Variants in LRP6 observed in about 807,000 individuals in gnomAD.
LRP6 encodes low-density lipoprotein receptor-related protein 6.
LRP6 carries 43 observed loss-of-function variants against 184.1 expected under a neutral mutation model. The observed-to-expected ratio is 0.23, with a 90% confidence interval of 0.18 to 0.30. The LOEUF (loss-of-function observed/expected upper bound fraction) is 0.30. Among genes scored for constraint, LRP6 ranks in the 10% least tolerant of loss-of-function variants. The probability of loss-of-function intolerance (pLI) is 1.00; values close to 1 mark genes in which losing one functional copy is unlikely to be tolerated. For missense variants in LRP6, 1,571 were observed against 2,005.3 expected (o/e 0.78, Z 4.14); for synonymous variants, 719 against 684.9 (o/e 1.05, Z -0.78).
At chr12:12,226,871 T>C (rs1864639775) in intron 2 of LRP6, 1 of 152,074 alleles carries the variant, frequency 6.6e-6, no homozygotes, top group Admixed American at 6.6e-5. Context: ...AGAGAAAATA[T>C]TTGAAGCCGT....
chr12:12,176,142 C>A (rs1162741912), intron 7 of LRP6, among the ~76,000 whole-genome samples: 1 of 151,990 alleles, frequency 6.6e-6, no homozygotes, highest in Non-Finnish European at 1.5e-5. Context: ...GAAAATTATT[C>A]TTTCTGCTAA....
intron 3 of LRP6, chr12:12,187,492 A>G: frequency 3.4e-6 from 1 of 290,930 alleles, no homozygotes; most frequent in Non-Finnish European, 6.6e-6. Context: ...TCATGTCATC[A>G]GACAGAGAAA....
intron 3 of LRP6, among the ~76,000 whole-genome samples, chr12:12,189,797 G>A (rs1409328321): frequency 1.3e-5 from 2 of 151,998 alleles, no homozygotes; most frequent in Non-Finnish European, 2.9e-5. Context: ...CACCGAGCCC[G>A]GCCTTAACAC....
intron 4 of LRP6, among the ~76,000 whole-genome samples, chr12:12,184,543 T>G (rs1167014811): frequency 6.6e-6 from 1 of 152,078 alleles, no homozygotes; most frequent in Non-Finnish European, 1.5e-5. Context: ...CCTTCAAGGA[T>G]AGGAAGGATA....
chr12:12,245,265 G>C (rs1350537594), intron 1 of LRP6, among the ~76,000 whole-genome samples: 1 of 152,140 alleles, frequency 6.6e-6, no homozygotes, highest in Non-Finnish European at 1.5e-5. Context: ...TGAACCCTTT[G>C]TACATGAAAA....
At position 12,188,589 on chromosome 12, in the gene LRP6, T is replaced by C. The variant is rs1409404775; in HGVS notation, c.648-1470A>G. Reference sequence around the variant, plus strand: ...CAGGATTACCGTCTGTGATTGCACATGGAATGATCTTAGTCTAAAGCATTA... The same window carrying C: ...CAGGATTACCGTCTGTGATTGCACACGGAATGATCTTAGTCTAAAGCATTA... On this transcript the variant is annotated intron_variant, in intron 3 of 22. Coordinates refer to ENST00000261349, the MANE Select transcript of LRP6 (RefSeq NM_002336.3). 2.0e-5 allele frequency among the ~76,000 whole-genome samples: 3 copies of C among 152,356 alleles called. No individual in the cohort carries two copies. The South Asian group carries it at 6.2e-4, about 32-fold the overall frequency.
At chr12:12,171,341 T>A (rs371926922) in intron 7 of LRP6, among the ~76,000 whole-genome samples, 2 of 151,906 alleles carry the variant, frequency 1.3e-5, no homozygotes, top group Admixed American at 6.6e-5. Context: ...ATGGTGAAAC[T>A]CCATCTCTAC....
chr12:12,162,456 A>G, intron 9 of LRP6, 37 bp from the exon 10 acceptor site: 1 of 1,533,160 alleles, frequency 6.5e-7, no homozygotes, highest in Admixed American at 1.7e-5. Flanking sequence ...CATATGGCAT[A>G]AGTCTAAACC....
At chr12:12,233,823 G>A (rs79977638) in intron 2 of LRP6, among the ~76,000 whole-genome samples, 175 of 152,014 alleles carry the variant, frequency 1.2e-3, no homozygotes, top group African/African-American at 4.0e-3. Flanking sequence ...GTGAGATATC[G>A]ATGTGTGAAT....
At chr12:12,258,570 A>G (rs974638216) in intron 1 of LRP6, among the ~76,000 whole-genome samples, 29 of 152,366 alleles carry the variant, frequency 1.9e-4, no homozygotes, top group Admixed American at 7.2e-4. Flanking sequence ...CCTCTGGTAC[A>G]TGGTGCATAT....
chr12:12,225,747 C>A (rs145836883), intron 2 of LRP6, among the ~76,000 whole-genome samples: 2 of 152,050 alleles, frequency 1.3e-5, no homozygotes, highest in East Asian at 3.9e-4. Flanking sequence ...TGGAGGACAC[C>A]TGTAATCCCA....
rs139410080 is a variant in LRP6 at position 12,247,431 on chromosome 12, G to A, written c.56-2776C>T. 9.3e-4 allele frequency among the ~76,000 whole-genome samples: 141 copies of A among 152,208 alleles called. 1 individual carries two copies. The East Asian group carries it at 0.013, about 14-fold the overall frequency. ...TTTTTGGTCTACAAAATCCAAAAAC[G>A]CTTTCTGGTCAGTTAAGGCCTCACA... is the stretch of plus-strand genomic sequence containing the variant. On this transcript the variant is annotated intron_variant, in intron 1 of 22. Coordinates refer to ENST00000261349, the MANE Select transcript of LRP6 (RefSeq NM_002336.3).
Position 12,159,051 on chromosome 12 carries a change from G to A in LRP6, c.2569C>T (p.Arg857Cys), listed in dbSNP as rs757295063. Reference sequence around the variant, plus strand: ...TTTTGGCCACTGGTTTTGTTGGCACGCTCAATGCTGCGTCGGCTCCAGTCC... The same window carrying A: ...TTTTGGCCACTGGTTTTGTTGGCACACTCAATGCTGCGTCGGCTCCAGTCC... The part of the protein sequence containing the change: ...WTDWSRRSIE[R>C]ANKTSGQNRT... The change falls in exon 12 of 23, where the codon CGT (arginine) becomes TGT (cysteine). Residue 857 changes from arginine to cysteine, a missense_variant. By Grantham distance (180) the Arg-to-Cys change is radical (BLOSUM62 -3). Coordinates refer to ENST00000261349, the MANE Select transcript of LRP6 (RefSeq NM_002336.3). 1.9e-6 allele frequency: 3 copies of A among 1,614,046 alleles called. No individual in the cohort carries two copies. Among genetic ancestry groups the A allele is most frequent in the South Asian group, 1.1e-5 (1 of 91,072 alleles).
At chr12:12,237,198 C>CT (rs1162179808) in intron 2 of LRP6, among the ~76,000 whole-genome samples, 2 of 152,184 alleles carry the variant, frequency 1.3e-5, no homozygotes, top group Non-Finnish European at 2.9e-5. Context: ...AGCAACCCTA[C>CT]TGCTCAGGAA....
chr12:12,175,363 T>C (rs1452436295), intron 7 of LRP6, among the ~76,000 whole-genome samples: 3 of 151,900 alleles, frequency 2.0e-5, no homozygotes, highest in Non-Finnish European at 2.9e-5. Flanking sequence ...CACTCCAGCC[T>C]GGGCGACAGA....
intron 3 of LRP6, among the ~76,000 whole-genome samples, chr12:12,189,903 G>A (rs1863567594): frequency 6.6e-6 from 1 of 152,046 alleles, no homozygotes; most frequent in African/African-American, 2.4e-5. Flanking sequence ...ATAACAGTTA[G>A]TGAACTGTTT....
chr12:12,155,873 T>A, intron 12 of LRP6: 1 of 609,356 alleles, frequency 1.6e-6, no homozygotes, highest in Non-Finnish European at 2.9e-6. Context: ...ACAGCGTATG[T>A]GTTTTTCCAA....
chr12:12,125,054 T>TA (rs760199108), intron 21 of LRP6, among the ~76,000 whole-genome samples: 125 of 152,374 alleles, frequency 8.2e-4, no homozygotes, highest in Non-Finnish European at 5.1e-4. Flanking sequence ...TCAGTAGTTC[T>TA]ACTTTTACTT....
At chr12:12,147,699 C>G (rs2136911513) in intron 14 of LRP6, 143 bp from the exon 15 acceptor site, 1 of 711,846 alleles carries the variant, frequency 1.4e-6, no homozygotes, top group Middle Eastern at 3.9e-4. Flanking sequence ...TGACCAGGCA[C>G]AGTGGCTCAT....
Sources: allele counts gnomAD v4.1 joint callset (sites outside exome capture counted in the v4.1 genomes callset), GRCh38; gene constraint gnomAD v4.1.1; transcripts MANE v1.5; gene names NCBI Gene and HGNC (gene_info 2026-07-23, HGNC 2026-07-21).